Variants in TET1 observed in about 807,000 individuals in gnomAD.
TET1 encodes methylcytosine dioxygenase TET1.
TET1 carries 13 observed loss-of-function variants against 148.7 expected under a neutral mutation model. That is an observed-to-expected ratio of 0.09 (90% CI 0.06 to 0.14). The LOEUF is 0.14. Ranked by LOEUF, TET1 falls within the 10% of genes least tolerant of loss-of-function variation. The pLI, the probability that TET1 is intolerant of heterozygous loss-of-function variation, is 1.00. For missense variants in TET1, 2,182 were observed against 2,553.8 expected (o/e 0.85, Z 3.14); for synonymous variants, 907 against 937.2 (o/e 0.97, Z 0.59).
intron 3 of TET1, among the ~76,000 whole-genome samples, chr10:68,607,987 GGT>G (rs2054149806): frequency 6.6e-6 from 1 of 150,994 alleles, no homozygotes; most frequent in Non-Finnish European, 1.5e-5. Flanking sequence ...GGAGCACAGT[GGT>G]GCAATCTCGG....
chr10:68,652,380 T>C (rs2054949550), intron 5 of TET1, 121 bp from the exon 6 acceptor site: 2 of 558,788 alleles, frequency 3.6e-6, no homozygotes, highest in Non-Finnish European at 6.0e-6. Context: ...TTACGAAGAG[T>C]GTCTAATTTT....
At chr10:68,652,473 CA>C in intron 5 of TET1, 27 bp from the exon 6 acceptor site, 1 of 1,519,284 alleles carries the variant, frequency 6.6e-7, no homozygotes, top group Non-Finnish European at 9.0e-7. Context: ...TTAATTAGTA[CA>C]TTCCCTTCAC....
intron 1 of TET1, among the ~76,000 whole-genome samples, chr10:68,570,410 C>T (rs1461591218): frequency 3.3e-5 from 5 of 151,590 alleles, no homozygotes; most frequent in Middle Eastern, 6.8e-3. Flanking sequence ...CAGCCAGTAC[C>T]GGATAGTTTT....
intron 3 of TET1, among the ~76,000 whole-genome samples, chr10:68,634,943 G>A (rs1189002939): frequency 1.3e-5 from 2 of 151,478 alleles, no homozygotes; most frequent in Admixed American, 6.6e-5. Context: ...TGTATTTTTA[G>A]TAGAGACTTG....
chr10:68,602,007 G>A (rs2054061891), intron 3 of TET1, among the ~76,000 whole-genome samples: 1 of 152,184 alleles, frequency 6.6e-6, no homozygotes. Flanking sequence ...TTGCCCCAGT[G>A]TGTAACTTGA....
rs533665339 is a variant in TET1, at chr10:68,570,923, G to A, written c.-122-1294G>A. ...GCTGGGATTACAGGTGTGAACCACC[G>A]CGCCTGGCCTAATTATTTTTAAATT... On this transcript the variant is annotated intron_variant, in intron 1 of 11. Coordinates refer to ENST00000373644, the MANE Select transcript of TET1 (RefSeq NM_030625.3). 5.1e-4 allele frequency among the ~76,000 whole-genome samples: 77 copies of A among 151,136 alleles called. 1 individual carries two copies. The East Asian group carries it at 0.014, about 28-fold the overall frequency.
At chr10:68,598,890 T>C (rs1219212427) in intron 2 of TET1, among the ~76,000 whole-genome samples, 1 of 152,042 alleles carries the variant, frequency 6.6e-6, no homozygotes, top group Non-Finnish European at 1.5e-5. Context: ...GGGTTTCCTG[T>C]TGGCCAGGCT....
At chr10:68,687,916 G>C (rs1298956092) in intron 11 of TET1, among the ~76,000 whole-genome samples, 1 of 152,076 alleles carries the variant, frequency 6.6e-6, no homozygotes, top group Non-Finnish European at 1.5e-5. Flanking sequence ...TTGGTTTTGG[G>C]TTTTGGGTTT....
At position 68,646,435 on chromosome 10, in the gene TET1, T is replaced by C; in HGVS notation, c.3706T>C (p.Phe1236Leu). ...TRSIMQPKTV[F>L]PPLTQIKLQR... is the part of the protein sequence containing the mutation. Reference sequence around the variant, plus strand: ...GTCCATTATGCAACCCAAAACAGTATTTCCACCACTCACTCAGATAAAATT... The same window carrying C: ...GTCCATTATGCAACCCAAAACAGTACTTCCACCACTCACTCAGATAAAATT... Residue 1236 changes from phenylalanine to leucine, a missense_variant, in exon 4 of 12, where the codon TTT (phenylalanine) becomes CTT (leucine). Phe to Leu is a conservative substitution (Grantham distance 22). Around this residue, in one of 11 missense-constraint regions of TET1, gnomAD observed 582 missense variants for 599.5 expected, o/e 0.97. Transcript: ENST00000373644. The C allele has an allele frequency of 6.2e-7, 1 of 1,614,030 alleles. No individual in the cohort carries two copies. The highest frequency in any genetic ancestry group is 2.2e-5 in the East Asian group (1 of 44,904).
intron 1 of TET1, among the ~76,000 whole-genome samples, chr10:68,567,258 A>G (rs2053617309): frequency 6.6e-6 from 1 of 152,194 alleles, no homozygotes; most frequent in Non-Finnish European, 1.5e-5. Flanking sequence ...TCTGAAGGAC[A>G]CAGAGCTGGC....
chr10:68,629,649 T>A (rs1327443807), intron 3 of TET1, among the ~76,000 whole-genome samples: 3 of 151,854 alleles, frequency 2.0e-5, no homozygotes, highest in East Asian at 3.9e-4. Context: ...TTCTTCTGCC[T>A]CGGCCTCCCC....
chr10:68,646,551 G>C lies in TET1; in HGVS notation c.3822G>C (p.Gly1274=). 6 of 1,614,164 alleles carry C rather than the reference G, an allele frequency of 3.7e-6. No individual in the cohort carries two copies. The highest frequency in any genetic ancestry group is 5.1e-6 in the Non-Finnish European group (6 of 1,180,034). Residue 1274 remains glycine (G), a synonymous_variant, in exon 4 of 12, where the codon GGG becomes GGC. Coordinates refer to ENST00000373644, the MANE Select transcript of TET1 (RefSeq NM_030625.3). ...SLFHLKTESN[G]KAFTDKAYNS... ...TTCATCTTAAAACGGAATCCAACGG[G>C]AAGGCATTCACTGATAAAGCTTATA...
chr10:68,629,407 T>G (rs1175546688), intron 3 of TET1, among the ~76,000 whole-genome samples: 1 of 152,020 alleles, frequency 6.6e-6, no homozygotes, highest in Non-Finnish European at 1.5e-5. Flanking sequence ...AGCATCAAAT[T>G]GAGATGTATT....
intron 6 of TET1, among the ~76,000 whole-genome samples, chr10:68,665,014 C>A (rs1418710268): frequency 6.6e-6 from 1 of 151,962 alleles, no homozygotes; most frequent in African/African-American, 2.4e-5. Flanking sequence ...TCAAGCAATC[C>A]TCTCACCTCT....
chr10:68,680,744 GTCT>G (rs1395772438), intron 8 of TET1, among the ~76,000 whole-genome samples: 2 of 152,196 alleles, frequency 1.3e-5, no homozygotes, highest in African/African-American at 4.8e-5. Context: ...GTCCTTCAAA[GTCT>G]TCTTCAATTT....
At position 68,686,381 on chromosome 10, in the gene TET1, A is replaced by C; in HGVS notation, c.5078A>C (p.Asn1693Thr). 1 of 1,609,312 alleles carries C rather than the reference A, an allele frequency of 6.2e-7. No homozygotes were observed. Among genetic ancestry groups the C allele is most frequent in the South Asian group, 1.1e-5 (1 of 90,580 alleles). The part of the protein sequence containing the change: ...TVVCTLTRED[N>T]RSLGVIPQDE... The stretch of plus-strand genomic sequence containing the variant: ...GTTTGTACCTTAACTCGAGAAGATA[A>C]CCGCTCTTTGGGTGTTATTCCTCAA... The change falls in exon 11 of 12, where the codon AAC becomes ACC. Residue 1693 changes from asparagine to threonine, a missense_variant. Asn to Thr is a moderately conservative substitution (Grantham distance 65). Around this residue, in one of 11 missense-constraint regions of TET1, gnomAD observed 380 missense variants for 387.9 expected, o/e 0.98. Coordinates refer to ENST00000373644, the MANE Select transcript of TET1 (RefSeq NM_030625.3).
intron 2 of TET1, among the ~76,000 whole-genome samples, chr10:68,590,919 G>A (rs1160084240): frequency 3.3e-5 from 5 of 151,172 alleles, no homozygotes; most frequent in African/African-American, 4.9e-5. Flanking sequence ...GCAATGGCAC[G>A]ATCTCGGCTC....
chr10:68,590,700 T>C (rs570825750), intron 2 of TET1, among the ~76,000 whole-genome samples: 1 of 152,098 alleles, frequency 6.6e-6, no homozygotes, highest in South Asian at 2.1e-4. Context: ...GGTGGAAGGA[T>C]CACTTGAGCC....
chr10:68,668,828 A>T lies in TET1; in HGVS notation c.4673+1572A>T, dbSNP rs559787292. Among the ~76,000 whole-genome samples the T allele has an allele frequency of 2.5e-4, 38 of 151,870 alleles. 1 individual carries two copies. In the Middle Eastern group the frequency reaches 0.01, roughly 41 times the overall value. On this transcript the variant is annotated intron_variant, in intron 7 of 11. Transcript: ENST00000373644. ...TCCATCTCTACAAAAATATTTTTTT[A>T]AAAAAACTGTTTGGGAATGATGGCA...
Sources: allele counts gnomAD v4.1 joint callset (sites outside exome capture counted in the v4.1 genomes callset), GRCh38; gene constraint gnomAD v4.1.1; regional missense constraint gnomAD v4.1.1; transcripts MANE v1.5; gene names NCBI Gene and HGNC (gene_info 2026-07-23, HGNC 2026-07-21).